AGO2: variants seen among roughly 807,000 people sequenced by gnomAD.
AGO2 encodes the protein argonaute RISC catalytic component 2.
Under a neutral mutation model 102.3 loss-of-function variants are expected in AGO2, and 5 were observed. The observed-to-expected ratio is 0.05, with a 90% CI of 0.03 to 0.10. AGO2 has a LOEUF of 0.10. Ranked by LOEUF, AGO2 falls within the 10% of genes least tolerant of loss-of-function variation. AGO2 has a pLI of 1.00. For missense variants in AGO2, 541 were observed against 1,183.7 expected, an observed-to-expected ratio of 0.46 and a Z score of 7.97; for synonymous variants, 449 against 473.1, an observed-to-expected ratio of 0.95 and a Z score of 0.66.
chr8:140,621,485 C>T (rs1421667749), intron 1 of AGO2, among the ~76,000 whole-genome samples: 1 of 152,218 alleles, frequency 6.6e-6, no homozygotes, highest in Non-Finnish European at 1.5e-5. Context: ...GACCCCAGCA[C>T]ATAGCTGTCA....
intron 1 of AGO2, among the ~76,000 whole-genome samples, chr8:140,595,139 C>T (rs148935224): frequency 1.1e-4 from 16 of 152,236 alleles, no homozygotes; most frequent in African/African-American, 3.4e-4. Flanking sequence ...CAGGCGTCTA[C>T]ACACGAAAAG....
chr8:140,602,308 G>C (rs758221431), intron 1 of AGO2, among the ~76,000 whole-genome samples: 5 of 152,154 alleles, frequency 3.3e-5, no homozygotes, highest in Non-Finnish European at 5.9e-5. Context: ...ATAAGGTCAT[G>C]TTGGCAACAC....
chr8:140,585,389 C>T, intron 1 of AGO2, 78 bp from the exon 2 acceptor site: 1 of 1,497,594 alleles, frequency 6.7e-7, no homozygotes, highest in South Asian at 1.3e-5. Flanking sequence ...GGCCCCAAGC[C>T]ACTATATGCC....
intron 1 of AGO2, among the ~76,000 whole-genome samples, chr8:140,620,096 G>A (rs900559354): frequency 6.6e-6 from 1 of 152,202 alleles, no homozygotes; most frequent in Non-Finnish European, 1.5e-5. Context: ...AGAATGTGAA[G>A]GGGCACGCTG....
intron 12 of AGO2, 139 bp downstream of exon 12, chr8:140,548,974 CT>C: frequency 1.9e-6 from 2 of 1,051,972 alleles, no homozygotes; most frequent in Non-Finnish European, 2.7e-6. Context: ...GACAAGCCAC[CT>C]CTTCTTCCTC....
At chr8:140,562,367 G>C (rs575248169) in intron 4 of AGO2, 86 bp downstream of exon 4, 1 of 1,479,174 alleles carries the variant, frequency 6.8e-7, no homozygotes, top group African/African-American at 1.4e-5. Flanking sequence ...AGAATGAGCC[G>C]TTCCTCGGAC....
At chr8:140,544,332 C>A in intron 13 of AGO2, 29 bp from the exon 14 acceptor site, 1 of 1,579,766 alleles carries the variant, frequency 6.3e-7, no homozygotes, top group South Asian at 1.1e-5. Flanking sequence ...TCAGGGGCCA[C>A]GGTGAGACAC....
chr8:140,549,027 G>C, intron 12 of AGO2, 87 bp downstream of exon 12: 2 of 1,470,030 alleles, frequency 1.4e-6, no homozygotes, highest in South Asian at 1.3e-5. Flanking sequence ...TCTCAGTGCA[G>C]CAGAAACACA....
At chr8:140,599,886 T>C (rs1679379360) in intron 1 of AGO2, among the ~76,000 whole-genome samples, 1 of 152,186 alleles carries the variant, frequency 6.6e-6, no homozygotes, top group Non-Finnish European at 1.5e-5. Context: ...CACACCTGGC[T>C]GATTTTTGTA....
At chr8:140,538,331 C>G (rs927462504) in intron 16 of AGO2, among the ~76,000 whole-genome samples, 1 of 152,208 alleles carries the variant, frequency 6.6e-6, no homozygotes, top group African/African-American at 2.4e-5. Context: ...AGGTCAAGGT[C>G]TCCTGGTTCA....
chr8:140,604,651 C>A (rs757365438), intron 1 of AGO2, among the ~76,000 whole-genome samples: 2 of 152,052 alleles, frequency 1.3e-5, no homozygotes, highest in East Asian at 3.9e-4. Context: ...ACGGTGAAAC[C>A]CCGTCTCTAC....
At chr8:140,621,115 C>A (rs1307150958) in intron 1 of AGO2, among the ~76,000 whole-genome samples, 1 of 152,194 alleles carries the variant, frequency 6.6e-6, no homozygotes, top group African/African-American at 2.4e-5. Flanking sequence ...CATCTCTCCA[C>A]CCACAGTTGC....
chr8:140,520,701 A>AT lies in AGO2; in HGVS notation c.*11342_*11343insA, dbSNP rs765144104. The stretch of plus-strand genomic sequence containing the variant: ...ATTTTTCTGAGGTCTGTGTTGGGGG[A>AT]AAAAAAAAAAGGTGACATGATTTTT... On this transcript the variant is annotated 3_prime_UTR_variant, in exon 19 of 19. Coordinates refer to ENST00000220592, the MANE Select transcript of AGO2 (RefSeq NM_012154.5). 3.1e-3 allele frequency: 51 copies of AT among 16,612 alleles called. No homozygotes were observed. Among genetic ancestry groups the AT allele is most frequent in the African/African-American group, 3.8e-3 (49 of 12,964 alleles). The allele number at this position is 16,612 out of a possible 1,614,324, so 1.0% of individuals were successfully genotyped here. A position where few individuals can be genotyped will look rare whatever the true frequency, so the allele number is the denominator to read the frequency against.
chr8:140,543,168 A>AGAAACAACAAAAAAAAACCCAC, intron 14 of AGO2, among the ~76,000 whole-genome samples: 1 of 141,832 alleles, frequency 7.1e-6, no homozygotes, highest in Admixed American at 7.0e-5. Flanking sequence ...AAACAAAAAT[A>AGAAACAACAAAAAAAAACCCAC]GAAACAACAA....
intron 5 of AGO2, 128 bp downstream of exon 5, chr8:140,560,246 C>A (rs371569465): frequency 9.4e-6 from 13 of 1,377,352 alleles, no homozygotes; most frequent in African/African-American, 2.9e-5. Context: ...CCAGGTGTCA[C>A]GCAGCGGCGC....
rs773387290 is a variant in AGO2, at chr8:140,551,377, G to A, written c.1329C>T (p.His443=). 1.3e-6 allele frequency: 2 copies of A among 1,599,670 alleles called. No homozygotes were observed. The highest frequency in any genetic ancestry group is 1.7e-6 in the Non-Finnish European group (2 of 1,170,864). Residue 443 remains histidine (H), a synonymous_variant, in exon 11 of 19, where the codon CAC becomes CAT. Transcript: ENST00000220592. ...GVWDMRNKQF[H]TGIEIKVWAI... is the part of the protein sequence containing the mutation. The stretch of plus-strand genomic sequence containing the variant: ...CCCACACCTTGATCTCGATGCCCGT[G>A]TGGAACTGCTTGTTCCGCATGTCCC...
intron 2 of AGO2, among the ~76,000 whole-genome samples, chr8:140,581,519 T>C: frequency 6.9e-6 from 1 of 144,438 alleles, no homozygotes; most frequent in South Asian, 2.2e-4. Context: ...ATCCTGTCTC[T>C]AAAAAAAAAA....
intron 1 of AGO2, among the ~76,000 whole-genome samples, chr8:140,607,937 T>C (rs2074025817): frequency 2.0e-5 from 3 of 152,210 alleles, no homozygotes; most frequent in Admixed American, 2.0e-4. Flanking sequence ...TCCGCATATT[T>C]TACAAACATA....
intron 17 of AGO2, 69 bp downstream of exon 17, chr8:140,535,399 T>C (rs2072678947): frequency 2.0e-6 from 3 of 1,493,976 alleles, no homozygotes; most frequent in Non-Finnish European, 9.3e-7. Flanking sequence ...AGAGTGCAAG[T>C]GTTTGCTGAA....
Sources: gnomAD v4.1 joint callset for allele counts (sites outside exome capture counted in the v4.1 genomes callset) on GRCh38, gnomAD v4.1.1 for gene constraint, MANE v1.5 for transcripts, NCBI Gene and HGNC (gene_info 2026-07-23, HGNC 2026-07-21) for gene names.